LMLN: variants seen among roughly 807,000 people sequenced by gnomAD.
LMLN encodes the protein leishmanolysin-like peptidase.
Under a neutral mutation model 92.3 loss-of-function variants are expected in LMLN, and 70 were observed. That is an observed-to-expected ratio of 0.76 (90% CI 0.63 to 0.92). LMLN has a LOEUF of 0.92. Ranked by LOEUF, LMLN falls within the 40% of genes least tolerant of loss-of-function variation. The pLI, the probability that LMLN is intolerant of heterozygous loss-of-function variation, is 0.00. For synonymous variants in LMLN, 308 were observed against 296.2 expected (o/e 1.04, Z -0.41); for missense variants, 691 against 814.6 (o/e 0.85, Z 1.85).
intron 11 of LMLN, 47 bp downstream of exon 11, chr3:197,999,389 A>C (rs751663688): frequency 7.9e-7 from 1 of 1,257,946 alleles, no homozygotes. Context: ...TGAAAATGAA[A>C]TTAATACTGA....
At chr3:197,973,266 G>A (rs1721280374) in intron 1 of LMLN, among the ~76,000 whole-genome samples, 4 of 150,494 alleles carry the variant, frequency 2.7e-5, no homozygotes, top group Non-Finnish European at 5.9e-5. Flanking sequence ...TTTTGAGACG[G>A]AGTCTTGCTC....
rs1399127368 is a variant in LMLN at position 197,991,075 on chromosome 3, G to A, written c.1047+399G>A. ...GAAAGAATACGAGAGAGGAGGGGAG[G>A]AAGAGATTTCTTTTTTTCTTTTATT... On this transcript the variant is annotated intron_variant, in intron 9 of 15. Transcript: ENST00000330198. Among the ~76,000 whole-genome samples, 4 of 151,648 alleles carry A rather than the reference G, an allele frequency of 2.6e-5. No homozygotes were observed. In the South Asian group the frequency reaches 8.4e-4, roughly 32 times the overall value.
At chr3:197,960,883 T>C (rs1471225070) in intron 1 of LMLN, among the ~76,000 whole-genome samples, 1 of 152,080 alleles carries the variant, frequency 6.6e-6, no homozygotes, top group African/African-American at 2.4e-5. Context: ...CGGGAAGACA[T>C]TGAACGGAGA....
chr3:197,978,574 T>C (rs1431504261), intron 5 of LMLN, among the ~76,000 whole-genome samples: 1 of 151,866 alleles, frequency 6.6e-6, no homozygotes, highest in African/African-American at 2.4e-5. Flanking sequence ...GACGTGGAGG[T>C]TGCAGTGAGC....
exon 14 of LMLN, chr3:198,024,666 A>G (rs376035682): frequency 1.9e-6 from 3 of 1,567,688 alleles, no homozygotes; most frequent in Non-Finnish European, 2.6e-6. Flanking sequence ...AGAAATTTTT[A>G]AGAACTATGG....
At chr3:198,012,993 T>C (rs1364967791) in intron 11 of LMLN, among the ~76,000 whole-genome samples, 110 of 71,472 alleles carry the variant, frequency 1.5e-3, no homozygotes, top group Middle Eastern at 8.3e-3. Flanking sequence ...CCCTTCAGAG[T>C]CCCCTAACTA....
At chr3:197,998,207 A>G (rs1722078941) in intron 10 of LMLN, among the ~76,000 whole-genome samples, 1 of 152,222 alleles carries the variant, frequency 6.6e-6, no homozygotes, top group Non-Finnish European at 1.5e-5. Flanking sequence ...TAGAAAGATC[A>G]TGTCCCAAAT....
chr3:197,960,315 A>C, exon 1 of LMLN: 1 of 1,613,704 alleles, frequency 6.2e-7, no homozygotes, highest in Non-Finnish European at 8.5e-7. Flanking sequence ...GTGGCGCTGG[A>C]GCGGGTCTGT....
rs1159036280 is a variant in LMLN at position 198,042,992 on chromosome 3, G to A, written c.*4325G>A. ...GAGATCAAATAGACATTCTATAAATGTTATAAATTATGCTTGCAGTTACTC... is the reference window on the plus strand; with the variant it reads ...GAGATCAAATAGACATTCTATAAATATTATAAATTATGCTTGCAGTTACTC... On this transcript the variant is annotated 3_prime_UTR_variant, in exon 16 of 16. Transcript: ENST00000330198. The surrounding 1 kb of genome is among the most constrained non-coding windows in gnomAD (Gnocchi z 4.2). 2 of 152,146 alleles carry A rather than the reference G, an allele frequency of 1.3e-5. No homozygotes were observed. The highest frequency in any genetic ancestry group is 2.9e-5 in the Non-Finnish European group (2 of 68,022). The allele number at this position is 152,146 out of a possible 1,614,324, so 9.4% of individuals were successfully genotyped here. A position where few individuals can be genotyped will look rare whatever the true frequency, so the allele number is the denominator to read the frequency against.
exon 16 of LMLN, chr3:198,039,829 G>A (rs1047228824): frequency 1.3e-5 from 2 of 152,146 alleles, no homozygotes; most frequent in Non-Finnish European, 2.9e-5. Context: ...TGTGCTGGTA[G>A]CCCTCTGTAT....
intron 9 of LMLN, among the ~76,000 whole-genome samples, chr3:197,995,536 T>C (rs1192560862): frequency 1.3e-5 from 2 of 152,158 alleles, no homozygotes; most frequent in Non-Finnish European, 2.9e-5. Flanking sequence ...TCTAAAACTA[T>C]TGAACCCCGA....
chr3:197,980,971 C>T (rs936073263), intron 6 of LMLN, among the ~76,000 whole-genome samples: 9 of 152,026 alleles, frequency 5.9e-5, no homozygotes, highest in African/African-American at 2.2e-4. Flanking sequence ...GGTGTGGTGG[C>T]ATGCACCCGT....
intron 14 of LMLN, among the ~76,000 whole-genome samples, chr3:198,030,972 G>A (rs568950136): frequency 1.5e-4 from 22 of 151,530 alleles, no homozygotes; most frequent in African/African-American, 5.1e-4. Flanking sequence ...TGCCCTCAGG[G>A]TCCTCAGCTA....
At chr3:198,020,994 A>ATT (rs1722766130) in intron 12 of LMLN, among the ~76,000 whole-genome samples, 2 of 151,882 alleles carry the variant, frequency 1.3e-5, no homozygotes, top group Non-Finnish European at 2.9e-5. Flanking sequence ...TTCAAAGTAT[A>ATT]TTATATATAT....
chr3:198,012,590 C>G (rs1283079226), intron 11 of LMLN, among the ~76,000 whole-genome samples: 1 of 151,770 alleles, frequency 6.6e-6, no homozygotes, highest in African/African-American at 2.4e-5. Flanking sequence ...TCAGAGCCTC[C>G]TAACGAGTCT....
intron 11 of LMLN, among the ~76,000 whole-genome samples, chr3:198,007,952 C>G (rs1299252068): frequency 6.6e-6 from 1 of 152,092 alleles, no homozygotes; most frequent in African/African-American, 2.4e-5. Context: ...TGGATATTGC[C>G]TTCTGTCAAA....
At position 198,013,772 on chromosome 3, in the gene LMLN, C is replaced by T. The variant is rs1369101338; in HGVS notation, c.1233-5481C>T. 9.1e-5 allele frequency among the ~76,000 whole-genome samples: 12 copies of T among 131,376 alleles called. 1 individual carries two copies. The highest frequency in any genetic ancestry group is 2.9e-4 in the African/African-American group (9 of 30,796). The allele number at this position is 131,376 out of a possible 152,430, so 86.2% of individuals were successfully genotyped here. ...TGACTTCTCTCCACCCTTCAGAGCCCCCTAACTAGTCTGACTTCTCTCCAC... is the reference window on the plus strand; with the variant it reads ...TGACTTCTCTCCACCCTTCAGAGCCTCCTAACTAGTCTGACTTCTCTCCAC... On this transcript the variant is annotated intron_variant, in intron 11 of 15. Coordinates refer to ENST00000330198, the Ensembl canonical transcript of LMLN.
Position 198,018,044 on chromosome 3 carries a change from A to G in LMLN, c.1233-1209A>G, listed in dbSNP as rs185325874. Among the ~76,000 whole-genome samples, 105 of 152,308 alleles carry G rather than the reference A, an allele frequency of 6.9e-4. 1 individual carries two copies. Among genetic ancestry groups the G allele is most frequent in the African/African-American group, 2.5e-3 (102 of 41,578 alleles). On this transcript the variant is annotated intron_variant, in intron 11 of 15. Transcript: ENST00000330198. Reference sequence around the variant, plus strand: ...CGCTCTCTTGACAGTGCTTCTCTGGAATTTGTAAGCCATGAATCTTAGACA... The same window carrying G: ...CGCTCTCTTGACAGTGCTTCTCTGGGATTTGTAAGCCATGAATCTTAGACA...
chr3:198,008,991 A>G (rs1257244959), intron 11 of LMLN, among the ~76,000 whole-genome samples: 1 of 152,046 alleles, frequency 6.6e-6, no homozygotes, highest in African/African-American at 2.4e-5. Flanking sequence ...CATTGTTGCA[A>G]GAGAGCAGAA....
Sources: gnomAD v4.1 joint callset for allele counts (sites outside exome capture counted in the v4.1 genomes callset) on GRCh38, gnomAD v4.1.1 for gene constraint, Gnocchi (gnomAD v3.1) non-coding constraint, MANE v1.5 for transcripts, NCBI Gene and HGNC (gene_info 2026-07-23, HGNC 2026-07-21) for gene names.